DNAJC5B: variants seen among roughly 807,000 people sequenced by gnomAD.
The protein encoded by DNAJC5B is dnaJ homolog subfamily C member 5B.
A neutral mutation model predicts 24.7 loss-of-function variants in DNAJC5B; 23 were observed. The observed-to-expected ratio is 0.93, with a 90% confidence interval of 0.67 to 1.32. The LOEUF is 1.32. Among genes scored for constraint, DNAJC5B ranks in the 40% most tolerant of loss-of-function variants. DNAJC5B has a pLI of 0.00. For missense variants in DNAJC5B, 238 were observed against 240.8 expected (o/e 0.99, Z 0.08); for synonymous variants, 101 against 90.1 (o/e 1.12, Z -0.68).
intron 3 of DNAJC5B, among the ~76,000 whole-genome samples, chr8:66,053,725 G>A (rs1410388488): frequency 6.6e-6 from 1 of 151,804 alleles, no homozygotes; most frequent in African/African-American, 2.4e-5. Context: ...CGCCTCCCAG[G>A]TTCAAGCAAT....
At chr8:66,032,411 T>C (rs1806378854) in intron 1 of DNAJC5B, among the ~76,000 whole-genome samples, 1 of 152,258 alleles carries the variant, frequency 6.6e-6, no homozygotes, top group African/African-American at 2.4e-5. Context: ...TAGTTGCTGG[T>C]ATTTGTTGAA....
At chr8:66,015,945 A>G in the DNAJC5B span, among the ~76,000 whole-genome samples, 1 of 152,122 alleles carries the variant, frequency 6.6e-6, no homozygotes, top group African/African-American at 2.4e-5. Flanking sequence ...GGCATAATTG[A>G]GATTGGAGAC....
At chr8:66,031,432 T>A (rs4262311) in intron 1 of DNAJC5B, among the ~76,000 whole-genome samples, 71,458 of 152,164 alleles carry the variant, frequency 0.47, 21,570 homozygotes, top group African/African-American at 0.86. Context: ...CATAACAGAA[T>A]TAGCAATCAT....
At chr8:66,045,701 T>C (rs1806708161) in intron 2 of DNAJC5B, among the ~76,000 whole-genome samples, 1 of 152,092 alleles carries the variant, frequency 6.6e-6, no homozygotes, top group African/African-American at 2.4e-5. Context: ...CCCATTTCTC[T>C]TTTTCCACAC....
At chr8:66,077,684 TA>T (rs1396995500) in intron 4 of DNAJC5B, among the ~76,000 whole-genome samples, 1 of 152,232 alleles carries the variant, frequency 6.6e-6, no homozygotes, top group African/African-American at 2.4e-5. Flanking sequence ...ATTAAATATC[TA>T]AAAAGGCAGG....
At position 66,026,443 on chromosome 8, in the gene DNAJC5B, T is replaced by G. The variant is rs539239655; in HGVS notation, c.-142+4738T>G. On this transcript the variant is annotated intron_variant, in intron 1 of 5. Coordinates refer to ENST00000276570, the MANE Select transcript of DNAJC5B (RefSeq NM_033105.6). The stretch of plus-strand genomic sequence containing the variant: ...TTGAATTACCGGAGAAGATGCAGCC[T>G]TGACAAGTTTTATTTAAGAGGCTTG... Among the ~76,000 whole-genome samples the G allele has an allele frequency of 2.0e-5, 3 of 152,354 alleles. No homozygotes were observed. The South Asian group carries it at 6.2e-4, about 32-fold the overall frequency.
At chr8:66,087,143 G>T (rs765942616) in intron 5 of DNAJC5B, among the ~76,000 whole-genome samples, 18 of 152,150 alleles carry the variant, frequency 1.2e-4, no homozygotes, top group Non-Finnish European at 2.2e-4. Flanking sequence ...TGGCTGAGGA[G>T]GCCTCAGGAA....
intron 3 of DNAJC5B, among the ~76,000 whole-genome samples, chr8:66,053,950 T>TG (rs1343881148): frequency 6.5e-4 from 99 of 151,926 alleles, no homozygotes; most frequent in African/African-American, 2.3e-3. Flanking sequence ...TTTTTTTTTT[T>TG]TTAACAAGGT....
intron 4 of DNAJC5B, among the ~76,000 whole-genome samples, chr8:66,079,592 A>G (rs1408009037): frequency 6.6e-6 from 1 of 152,208 alleles, no homozygotes; most frequent in African/African-American, 2.4e-5. Flanking sequence ...AAGGCAATGA[A>G]AGGCAAGAAC....
chr8:66,097,171 A>C (rs1286592049), intron 5 of DNAJC5B, among the ~76,000 whole-genome samples: 1 of 150,528 alleles, frequency 6.6e-6, no homozygotes, highest in Non-Finnish European at 1.5e-5. Flanking sequence ...CATTATATTT[A>C]TCACTTTAAG....
intron 3 of DNAJC5B, among the ~76,000 whole-genome samples, chr8:66,069,398 G>A (rs980539604): frequency 1.3e-5 from 2 of 152,086 alleles, no homozygotes; most frequent in Admixed American, 1.3e-4. Context: ...CTTACCAAAA[G>A]AAAGCTGTAT....
At chr8:66,042,220 T>C (rs1806625364) in intron 1 of DNAJC5B, among the ~76,000 whole-genome samples, 1 of 152,224 alleles carries the variant, frequency 6.6e-6, no homozygotes, top group Admixed American at 6.5e-5. Context: ...GTTAGTCCAG[T>C]GTTTGAATTC....
At chr8:66,027,335 A>G (rs1213293936) in intron 1 of DNAJC5B, among the ~76,000 whole-genome samples, 2 of 152,214 alleles carry the variant, frequency 1.3e-5, no homozygotes, top group Non-Finnish European at 2.9e-5. Flanking sequence ...CAATCTGGCC[A>G]CCATAATACT....
intron 2 of DNAJC5B, among the ~76,000 whole-genome samples, chr8:66,046,436 C>T (rs1211004984): frequency 6.6e-6 from 1 of 152,198 alleles, no homozygotes; most frequent in African/African-American, 2.4e-5. Flanking sequence ...AGTGTCACCA[C>T]TATTCAGAGT....
intron 5 of DNAJC5B, among the ~76,000 whole-genome samples, chr8:66,092,517 G>T (rs1431324091): frequency 6.6e-6 from 1 of 152,044 alleles, no homozygotes; most frequent in Admixed American, 6.6e-5. Context: ...TCCTTTATCT[G>T]TTATTGTTTT....
intron 4 of DNAJC5B, 108 bp downstream of exon 4, chr8:66,076,981 G>A (rs2128963896): frequency 8.8e-7 from 1 of 1,139,922 alleles, no homozygotes; most frequent in Non-Finnish European, 1.3e-6. Flanking sequence ...TTAAACTCTG[G>A]TAAATAAAAG....
chr8:66,028,570 G>A (rs1023838898), intron 1 of DNAJC5B, among the ~76,000 whole-genome samples: 17 of 140,410 alleles, frequency 1.2e-4, no homozygotes, highest in African/African-American at 5.2e-4. Context: ...CTCAGCCAAC[G>A]GGCCTCACCA....
chr8:66,043,145 T>C (rs1806650443), intron 1 of DNAJC5B, among the ~76,000 whole-genome samples: 1 of 152,180 alleles, frequency 6.6e-6, no homozygotes, highest in Non-Finnish European at 1.5e-5. Flanking sequence ...GATTTGAAAA[T>C]ATTGGGTTAA....
At chr8:66,054,348 C>T (rs368286361) in intron 3 of DNAJC5B, among the ~76,000 whole-genome samples, 13 of 152,268 alleles carry the variant, frequency 8.5e-5, no homozygotes, top group African/African-American at 1.4e-4. Context: ...AAAGACCTCT[C>T]GCAATTACAA....
Sources: gnomAD v4.1 joint callset for allele counts (sites outside exome capture counted in the v4.1 genomes callset) on GRCh38, gnomAD v4.1.1 for gene constraint, MANE v1.5 for transcripts, NCBI Gene and HGNC (gene_info 2026-07-23, HGNC 2026-07-21) for gene names.